GRAMD2B: variants seen among roughly 807,000 people sequenced by gnomAD.
The protein encoded by GRAMD2B is GRAM domain containing 2B.
Under a neutral mutation model 59.2 loss-of-function variants are expected in GRAMD2B, and 41 were observed. The ratio of observed to expected loss-of-function variants is 0.69; its 90% CI spans 0.54 to 0.90. GRAMD2B has a LOEUF of 0.90. GRAMD2B is among the 40% of genes least tolerant of loss of function. The pLI is 0.00. For synonymous variants in GRAMD2B, 161 were observed against 182.7 expected (o/e 0.88, Z 0.96); for missense variants, 424 against 500.5 (o/e 0.85, Z 1.46).
intron 3 of GRAMD2B, among the ~76,000 whole-genome samples, chr5:126,471,807 A>C (rs1769641651): frequency 6.6e-6 from 1 of 152,206 alleles, no homozygotes; most frequent in African/African-American, 2.4e-5. Context: ...CAAGAGCTAG[A>C]GCCACTACAG....
At chr5:126,360,600 C>T (rs1180462150) in intron 1 of GRAMD2B, 4 of 797,188 alleles carry the variant, frequency 5.0e-6, no homozygotes, top group Middle Eastern at 3.8e-4. Context: ...GGGAGTTTTC[C>T]TTGTTTATCA....
intron 1 of GRAMD2B, among the ~76,000 whole-genome samples, chr5:126,362,997 T>A (rs1044047814): frequency 6.6e-6 from 1 of 152,198 alleles, no homozygotes. Context: ...AAAACTTTCT[T>A]TGGTGCTTCA....
chr5:126,412,271 G>A (rs1352467489), intron 1 of GRAMD2B, among the ~76,000 whole-genome samples: 1 of 152,040 alleles, frequency 6.6e-6, no homozygotes, highest in Non-Finnish European at 1.5e-5. Context: ...TTACTATTTT[G>A]AGGTATGTTC....
intron 1 of GRAMD2B, among the ~76,000 whole-genome samples, chr5:126,398,833 A>C (rs1757584905): frequency 1.3e-5 from 2 of 152,004 alleles, no homozygotes; most frequent in Non-Finnish European, 2.9e-5. Flanking sequence ...TTCTTAAGTT[A>C]TCTTTTGAGT....
At chr5:126,453,911 T>G (rs1416875201) in intron 1 of GRAMD2B, among the ~76,000 whole-genome samples, 3 of 152,248 alleles carry the variant, frequency 2.0e-5, no homozygotes, top group Non-Finnish European at 2.9e-5. Context: ...CTAATTGTTT[T>G]CCTGTATTGC....
At chr5:126,383,675 C>T (rs2042198) in intron 1 of GRAMD2B, among the ~76,000 whole-genome samples, 139,348 of 152,258 alleles carry the variant, frequency 0.92, 64,244 homozygotes, top group East Asian at 1. Flanking sequence ...CCAGGTAGTA[C>T]ATATACAGCC....
At chr5:126,449,284 G>A (rs1764896751) in intron 1 of GRAMD2B, among the ~76,000 whole-genome samples, 1 of 152,176 alleles carries the variant, frequency 6.6e-6, no homozygotes, top group South Asian at 2.1e-4. Context: ...CATTTTAACA[G>A]CAGTGAGGAG....
At chr5:126,452,649 C>G (rs1464966580) in intron 1 of GRAMD2B, among the ~76,000 whole-genome samples, 1 of 152,156 alleles carries the variant, frequency 6.6e-6, no homozygotes, top group East Asian at 1.9e-4. Context: ...AGTTCTCATA[C>G]TACAGACACC....
chr5:126,415,503 G>T (rs1287729043), intron 1 of GRAMD2B, among the ~76,000 whole-genome samples: 1 of 152,138 alleles, frequency 6.6e-6, no homozygotes, highest in Non-Finnish European at 1.5e-5. Flanking sequence ...TGGGAGGAAG[G>T]AAGCCAGGAA....
rs1311172943 is a variant in GRAMD2B, at chr5:126,483,450, TG to T, written c.736-12del. On this transcript the variant is annotated splice_polypyrimidine_tract_variant and intron_variant, in intron 8 of 13. Transcript: ENST00000285689. Reference sequence around the variant, plus strand: ...GAATATCAGCCTGTCTTCATTTCACTGTTTCCTTTCAGGATTTCAATGATGA... The same window carrying T: ...GAATATCAGCCTGTCTTCATTTCACTTTTCCTTTCAGGATTTCAATGATGA... The T allele has an allele frequency of 7.8e-6, 12 of 1,534,712 alleles. No homozygotes were observed. The highest frequency in any genetic ancestry group is 1.1e-5 in the Non-Finnish European group (12 of 1,108,140).
At position 126,470,931 on chromosome 5, in the gene GRAMD2B, C is replaced by T. The variant is rs77775617; in HGVS notation, c.315+1143C>T. Among the ~76,000 whole-genome samples, 360 of 152,286 alleles carry T rather than the reference C, an allele frequency of 2.4e-3. 2 individuals carry two copies. Among genetic ancestry groups the T allele is most frequent in the African/African-American group, 8.0e-3 (333 of 41,558 alleles). ...ATTTATTACGTTGACATTTTTGAAG[C>T]GTTTATGGCCTAGCATATTTTAAAT... On this transcript the variant is annotated intron_variant, in intron 3 of 13. Coordinates refer to ENST00000285689, the MANE Select transcript of GRAMD2B (RefSeq NM_023927.4).
chr5:126,450,075 A>G (rs1418333413), intron 1 of GRAMD2B, among the ~76,000 whole-genome samples: 4 of 151,144 alleles, frequency 2.6e-5, no homozygotes, highest in Non-Finnish European at 5.9e-5. Flanking sequence ...TTTTCCTCCT[A>G]CATGAAACAG....
intron 1 of GRAMD2B, among the ~76,000 whole-genome samples, chr5:126,394,286 AAAG>A (rs1371627981): frequency 1.3e-5 from 2 of 152,084 alleles, no homozygotes; most frequent in African/African-American, 2.4e-5. Context: ...AAAAAAAAAA[AAAG>A]AAAAGAAAAC....
intron 1 of GRAMD2B, among the ~76,000 whole-genome samples, chr5:126,460,387 GAAATTTATAGTTGTCCAAAC>G (rs1229563664): frequency 1.5e-4 from 23 of 152,274 alleles, no homozygotes; most frequent in Admixed American, 2.0e-4. Flanking sequence ...ACAGATAAAT[GAAATTTATAGTTGTCCAAAC>G]AAAAATATAT....
At chr5:126,392,447 T>C (rs989820709) in intron 1 of GRAMD2B, among the ~76,000 whole-genome samples, 2 of 152,310 alleles carry the variant, frequency 1.3e-5, no homozygotes, top group Admixed American at 6.5e-5. Flanking sequence ...GCAATATTTC[T>C]GCCCAGAGAT....
At chr5:126,423,748 T>G in intron 1 of GRAMD2B, 59 bp downstream of exon 1, 1 of 1,517,462 alleles carries the variant, frequency 6.6e-7, no homozygotes, top group South Asian at 1.2e-5. Context: ...CCTAAACTTC[T>G]CTGCCCCGGG....
intron 1 of GRAMD2B, among the ~76,000 whole-genome samples, chr5:126,371,899 G>A (rs571047002): frequency 2.6e-5 from 4 of 152,122 alleles, no homozygotes; most frequent in Non-Finnish European, 4.4e-5. Context: ...AAAACAAATC[G>A]TTGAACCCCA....
At chr5:126,443,097 TAAC>T (rs1763577026) in intron 1 of GRAMD2B, among the ~76,000 whole-genome samples, 1 of 152,312 alleles carries the variant, frequency 6.6e-6, no homozygotes, top group East Asian at 1.9e-4. Context: ...TGGATGAAAG[TAAC>T]AATAGTAATT....
chr5:126,370,795 G>A (rs754629634), upstream of GRAMD2B, among the ~76,000 whole-genome samples: 2 of 152,132 alleles, frequency 1.3e-5, no homozygotes, highest in Non-Finnish European at 2.9e-5. Context: ...TACTGTTTGG[G>A]TACAAGTCAC....
Sources: gnomAD v4.1 joint callset for allele counts (sites outside exome capture counted in the v4.1 genomes callset) on GRCh38, gnomAD v4.1.1 for gene constraint, MANE v1.5 for transcripts, NCBI Gene and HGNC (gene_info 2026-07-23, HGNC 2026-07-21) for gene names.